PCSK5: variants seen among roughly 807,000 people sequenced by gnomAD.
PCSK5 encodes prohormone convertase 5.
In PCSK5, 129 loss-of-function variants were observed where a neutral mutation model predicts 233.2. That is an observed-to-expected ratio of 0.55 (90% confidence interval 0.48 to 0.64). PCSK5 has a LOEUF of 0.64. PCSK5 is among the 30% of genes least tolerant of loss of function. The pLI, the probability that PCSK5 is intolerant of heterozygous loss-of-function variation, is 0.00. For missense variants in PCSK5, 2,076 were observed against 2,430.1 expected (o/e 0.85, Z 3.06); for synonymous variants, 825 against 879.2 (o/e 0.94, Z 1.09).
At position 76,358,998 on chromosome 9, in the gene PCSK5, C is replaced by T; in HGVS notation, c.*76C>T. On this transcript the variant is annotated 3_prime_UTR_variant, in exon 38 of 38. Transcript: ENST00000674117. ...AGCATCACTGTTTTTGGTTTTATCC[C>T]CACACCAGGCTGATGTGTGAGTTTT... is the stretch of plus-strand genomic sequence containing the variant. 1 of 1,218,620 alleles carries T rather than the reference C, an allele frequency of 8.2e-7. No individual in the cohort carries two copies. The highest frequency in any genetic ancestry group is 1.9e-5 in the Admixed American group (1 of 52,618). The allele number at this position is 1,218,620 out of a possible 1,614,324, so 75.5% of individuals were successfully genotyped here.
intron 9 of PCSK5, among the ~76,000 whole-genome samples, chr9:76,110,015 A>T (rs1280462077): frequency 6.6e-6 from 1 of 152,094 alleles, no homozygotes; most frequent in Non-Finnish European, 1.5e-5. Context: ...TATGTGCCTC[A>T]CTCATTTACC....
At chr9:76,209,497 T>C (rs1386330781) in intron 20 of PCSK5, 2 of 512,364 alleles carry the variant, frequency 3.9e-6, no homozygotes, top group African/African-American at 3.9e-5. Context: ...CCTGGAATAG[T>C]ACCTGACATG....
chr9:75,926,528 C>A (rs1351793785), intron 1 of PCSK5, among the ~76,000 whole-genome samples: 2 of 152,162 alleles, frequency 1.3e-5, no homozygotes, highest in Non-Finnish European at 2.9e-5. Flanking sequence ...CACACCTTTG[C>A]ACTTTATGGG....
At chr9:76,310,178 G>T (rs1485525518) in intron 29 of PCSK5, among the ~76,000 whole-genome samples, 2 of 151,830 alleles carry the variant, frequency 1.3e-5, no homozygotes, top group African/African-American at 4.8e-5. Context: ...AACCCGGGAG[G>T]CGGAGGTCGC....
intron 2 of PCSK5, among the ~76,000 whole-genome samples, chr9:75,938,598 A>G (rs1241077095): frequency 2.0e-5 from 3 of 152,258 alleles, no homozygotes; most frequent in Non-Finnish European, 4.4e-5. Context: ...TTCAATTTGT[A>G]AAAAGCGCAA....
At chr9:75,943,516 C>T (rs1004725447) in intron 2 of PCSK5, among the ~76,000 whole-genome samples, 7 of 151,974 alleles carry the variant, frequency 4.6e-5, no homozygotes, top group Admixed American at 4.6e-4. Flanking sequence ...ATTGAAAGGA[C>T]GTTATTTGTT....
At chr9:76,101,749 T>A (rs960052394) in intron 8 of PCSK5, among the ~76,000 whole-genome samples, 3 of 152,232 alleles carry the variant, frequency 2.0e-5, no homozygotes, top group Admixed American at 2.0e-4. Flanking sequence ...GCCTGGGGTA[T>A]CTCAGAGTTG....
intron 4 of PCSK5, among the ~76,000 whole-genome samples, chr9:76,024,377 C>G (rs1468048286): frequency 6.6e-6 from 1 of 152,132 alleles, no homozygotes; most frequent in Non-Finnish European, 1.5e-5. Flanking sequence ...CTCATTTGAA[C>G]AAAACAGTTG....
intron 20 of PCSK5, among the ~76,000 whole-genome samples, chr9:76,224,451 TA>T (rs1825821228): frequency 6.6e-6 from 1 of 152,134 alleles, no homozygotes; most frequent in South Asian, 2.1e-4. Flanking sequence ...TCAGACATCT[TA>T]TTGCAAATGA....
chr9:76,057,468 C>T (rs1382931356), intron 5 of PCSK5, among the ~76,000 whole-genome samples: 1 of 151,904 alleles, frequency 6.6e-6, no homozygotes, highest in East Asian at 1.9e-4. Flanking sequence ...ACCATTTGGA[C>T]CATCAATTAC....
At chr9:76,119,802 ACT>A (rs1246424720) in intron 9 of PCSK5, among the ~76,000 whole-genome samples, 1 of 151,502 alleles carries the variant, frequency 6.6e-6, no homozygotes, top group Non-Finnish European at 1.5e-5. Flanking sequence ...TAATCCAATC[ACT>A]CTTTTAGTTA....
At chr9:76,261,022 G>A (rs1283712846) in intron 24 of PCSK5, among the ~76,000 whole-genome samples, 2 of 152,180 alleles carry the variant, frequency 1.3e-5, no homozygotes, top group South Asian at 2.1e-4. Context: ...TCCTGAAGAC[G>A]TTTACTCTTA....
At chr9:76,193,465 T>C in intron 20 of PCSK5, 2 of 779,514 alleles carry the variant, frequency 2.6e-6, no homozygotes, top group Non-Finnish European at 3.8e-6. Flanking sequence ...CTCTTTCTTT[T>C]CTTGCTCTCT....
Position 76,018,890 on chromosome 9 carries a change from C to T in PCSK5, c.412-4848C>T, listed in dbSNP as rs140073281. Among the ~76,000 whole-genome samples the T allele has an allele frequency of 8.5e-5, 13 of 152,308 alleles. No individual in the cohort carries two copies. The South Asian group carries it at 2.7e-3, about 32-fold the overall frequency. On this transcript the variant is annotated intron_variant, in intron 3 of 37. Coordinates refer to ENST00000674117, the MANE Select transcript of PCSK5 (RefSeq NM_001372043.1). ...GTTATTTGAGTTTCTTTACTGGAAC[C>T]TTTCTCCAACATCCGCGCCTTATCT...
intron 35 of PCSK5, among the ~76,000 whole-genome samples, chr9:76,345,162 T>C (rs529093465): frequency 6.6e-6 from 1 of 152,038 alleles, no homozygotes; most frequent in South Asian, 2.1e-4. Context: ...CCAGTGTCTA[T>C]TGTTCCCTTA....
chr9:76,127,524 G>C (rs145438815), intron 9 of PCSK5, among the ~76,000 whole-genome samples: 2 of 152,246 alleles, frequency 1.3e-5, no homozygotes, highest in Non-Finnish European at 2.9e-5. Flanking sequence ...AGATCTTTTT[G>C]ACAAATCTTA....
At chr9:76,151,751 C>A (rs539463969) in intron 10 of PCSK5, among the ~76,000 whole-genome samples, 8 of 152,188 alleles carry the variant, frequency 5.3e-5, no homozygotes, top group Non-Finnish European at 1.0e-4. Context: ...TTGTATTTGA[C>A]TGATTTCTTA....
intron 21 of PCSK5, among the ~76,000 whole-genome samples, chr9:76,228,768 T>G (rs1227470917): frequency 1.3e-5 from 2 of 152,226 alleles, no homozygotes; most frequent in African/African-American, 4.8e-5. Flanking sequence ...GCTGCTCCAG[T>G]GGCAGGCGCT....
intron 3 of PCSK5, among the ~76,000 whole-genome samples, chr9:76,004,337 C>T (rs1827388781): frequency 6.6e-6 from 1 of 151,930 alleles, no homozygotes; most frequent in Non-Finnish European, 1.5e-5. Flanking sequence ...CTTTTCACGG[C>T]TTCCTGTCAG....
Sources: allele counts gnomAD v4.1 joint callset (sites outside exome capture counted in the v4.1 genomes callset), GRCh38; gene constraint gnomAD v4.1.1; transcripts MANE v1.5; gene names NCBI Gene and HGNC (gene_info 2026-07-23, HGNC 2026-07-21).